Variants in EYS observed in about 807,000 individuals in gnomAD.
The protein encoded by EYS is protein eyes shut homolog.
Under a neutral mutation model 282.1 loss-of-function variants are expected in EYS, and 250 were observed. The ratio of observed to expected loss-of-function variants is 0.89; its 90% CI spans 0.80 to 0.98. The LOEUF (loss-of-function observed/expected upper bound fraction) is 0.98. EYS is among the 50% of genes least tolerant of loss of function. The pLI is 0.00. For missense variants in EYS, 4,016 were observed against 3,709.0 expected (o/e 1.08, Z -2.15); for synonymous variants, 1,355 against 1,282.9 (o/e 1.06, Z -1.20).
chr6:65,009,743 C>T (rs371550717), intron 13 of EYS, among the ~76,000 whole-genome samples: 3 of 152,168 alleles, frequency 2.0e-5, no homozygotes, highest in African/African-American at 7.2e-5. Flanking sequence ...TACATTTCCT[C>T]GCTACCTGTG....
chr6:65,559,562 TTAA>T (rs754050885), intron 2 of EYS, among the ~76,000 whole-genome samples: 15 of 152,094 alleles, frequency 9.9e-5, no homozygotes, highest in Non-Finnish European at 1.6e-4. Flanking sequence ...TCTTTGCGTC[TTAA>T]TAACCAAACC....
intron 19 of EYS, among the ~76,000 whole-genome samples, chr6:64,850,382 G>T (rs1765843844): frequency 6.6e-6 from 1 of 152,012 alleles, no homozygotes; most frequent in African/African-American, 2.4e-5. Context: ...TTCATGTAAG[G>T]CACTCAGTGC....
chr6:64,921,944 A>G (rs1049136931), intron 15 of EYS, among the ~76,000 whole-genome samples: 6 of 152,102 alleles, frequency 3.9e-5, no homozygotes, highest in African/African-American at 1.4e-4. Flanking sequence ...GAAACTGATG[A>G]AAAATTTTAA....
intron 24 of EYS, among the ~76,000 whole-genome samples, chr6:64,617,045 G>C (rs1767296362): frequency 6.6e-6 from 1 of 152,062 alleles, no homozygotes; most frequent in South Asian, 2.1e-4. Context: ...CCCAACCCTG[G>C]AAGTAGTACT....
intron 29 of EYS, among the ~76,000 whole-genome samples, chr6:64,334,626 A>G (rs1770774818): frequency 6.6e-6 from 1 of 152,156 alleles, no homozygotes; most frequent in Admixed American, 6.6e-5. Flanking sequence ...TCAGTGAAAC[A>G]GCCCGAGCCT....
rs778752557 is a variant in EYS, at chr6:64,591,465, C to A, written c.4402G>T (p.Asp1468Tyr). 6.4e-7 allele frequency: 1 copy of A among 1,551,300 alleles called. No individual in the cohort carries two copies. Among genetic ancestry groups the A allele is most frequent in the Non-Finnish European group, 8.7e-7 (1 of 1,146,768 alleles). ...TPVVSRGAQE[D>Y]IEEYSADSLI... is the part of the protein sequence containing the mutation. ...GAATCAGCTGAATATTCTTCAATATCCTCTTGAGCCCCCCTAGAGACAACT... is the reference window on the plus strand; with the variant it reads ...GAATCAGCTGAATATTCTTCAATATACTCTTGAGCCCCCCTAGAGACAACT... The change falls in exon 26 of 43, where the codon GAT becomes TAT. Residue 1468 changes from aspartate (D) to tyrosine (Y), a missense_variant. Coordinates refer to ENST00000503581, the MANE Select transcript of EYS (RefSeq NM_001142800.2).
At chr6:64,040,658 C>G (rs1403407001) in intron 33 of EYS, among the ~76,000 whole-genome samples, 5 of 152,178 alleles carry the variant, frequency 3.3e-5, no homozygotes, top group Non-Finnish European at 7.3e-5. Flanking sequence ...GAGTCAAATA[C>G]AGCACACTTA....
At chr6:64,189,351 G>A (rs1485014864) in intron 31 of EYS, among the ~76,000 whole-genome samples, 1 of 152,126 alleles carries the variant, frequency 6.6e-6, no homozygotes, top group African/African-American at 2.4e-5. Flanking sequence ...TATATTTTGG[G>A]ATGTTTGGGA....
chr6:64,723,339 A>C (rs1771649063), intron 22 of EYS, among the ~76,000 whole-genome samples: 1 of 152,174 alleles, frequency 6.6e-6, no homozygotes, highest in African/African-American at 2.4e-5. Context: ...AGAAATGAAG[A>C]ATGTCTCTAT....
intron 5 of EYS, among the ~76,000 whole-genome samples, chr6:65,441,962 G>A (rs1768344986): frequency 6.6e-6 from 1 of 151,978 alleles, no homozygotes; most frequent in Admixed American, 6.6e-5. Context: ...TTTCTTCATA[G>A]AGGCCTTCTG....
At chr6:64,975,371 C>T (rs987854934) in intron 14 of EYS, among the ~76,000 whole-genome samples, 2 of 151,816 alleles carry the variant, frequency 1.3e-5, no homozygotes, top group East Asian at 3.9e-4. Flanking sequence ...TCTCTCTGTG[C>T]TGTAACTTAA....
chr6:64,677,529 T>A (rs1213254607), intron 22 of EYS, among the ~76,000 whole-genome samples: 1 of 152,144 alleles, frequency 6.6e-6, no homozygotes, highest in Non-Finnish European at 1.5e-5. Context: ...TATCATGGTG[T>A]CTTAAAGGTA....
At chr6:64,085,246 G>A (rs1333606331) in intron 31 of EYS, among the ~76,000 whole-genome samples, 1 of 151,924 alleles carries the variant, frequency 6.6e-6, no homozygotes, top group African/African-American at 2.4e-5. Flanking sequence ...AAAGTGCTGG[G>A]ATTATAGGCG....
At chr6:65,347,972 C>T (rs1396795283) in intron 9 of EYS, among the ~76,000 whole-genome samples, 1 of 151,600 alleles carries the variant, frequency 6.6e-6, no homozygotes, top group Non-Finnish European at 1.5e-5. Flanking sequence ...TACATGAGAA[C>T]ATGTGAATTT....
Position 64,230,840 on chromosome 6 carries a change from A to C in EYS, c.6192-16T>G. On this transcript the variant is annotated splice_polypyrimidine_tract_variant and intron_variant, in intron 30 of 42. Transcript: ENST00000503581. ...TCCCTGGGATCTGTGATTTATAAACAGACAAGAAAACAAAATATAAGTAAA... is the reference window on the plus strand; with the variant it reads ...TCCCTGGGATCTGTGATTTATAAACCGACAAGAAAACAAAATATAAGTAAA... 6.9e-7 allele frequency: 1 copy of C among 1,459,710 alleles called. No homozygotes were observed. The highest frequency in any genetic ancestry group is 9.3e-7 in the Non-Finnish European group (1 of 1,072,720). The allele number at this position is 1,459,710 out of a possible 1,614,324, so 90.4% of individuals were successfully genotyped here.
At chr6:64,945,631 T>C (rs1469557757) in intron 15 of EYS, among the ~76,000 whole-genome samples, 162 bp downstream of exon 15, 1 of 152,140 alleles carries the variant, frequency 6.6e-6, no homozygotes, top group African/African-American at 2.4e-5. Context: ...TGTTTTCAAA[T>C]TTCAAATGAT....
chr6:64,469,285 C>T lies in EYS; in HGVS notation c.5645-29933G>A, dbSNP rs570335327. On this transcript the variant is annotated intron_variant, in intron 26 of 42. Transcript: ENST00000503581. ...AATAATAAAACTAGGATGTGGGCGGCAAGCCACCCAGGTGCCGAGGCAGGA... is the reference window on the plus strand; with the variant it reads ...AATAATAAAACTAGGATGTGGGCGGTAAGCCACCCAGGTGCCGAGGCAGGA... Among the ~76,000 whole-genome samples the T allele has an allele frequency of 2.6e-5, 4 of 152,090 alleles. No individual in the cohort carries two copies. In the South Asian group the frequency reaches 8.3e-4, roughly 31 times the overall value.
chr6:63,950,959 G>A (rs756600337), intron 35 of EYS, among the ~76,000 whole-genome samples: 3 of 152,058 alleles, frequency 2.0e-5, no homozygotes, highest in African/African-American at 7.2e-5. Flanking sequence ...TAATCACTGC[G>A]GGGATGCCTG....
Position 64,688,752 on chromosome 6 carries a change from G to A in EYS, c.3444-62507C>T, listed in dbSNP as rs557649989. Among the ~76,000 whole-genome samples, 10 of 152,252 alleles carry A rather than the reference G, an allele frequency of 6.6e-5. No homozygotes were observed. The South Asian group carries it at 2.1e-3, about 32-fold the overall frequency. On this transcript the variant is annotated intron_variant, in intron 22 of 42. Transcript: ENST00000503581. ...ATGTCTATTAGGTCCGCTTGGTGCA[G>A]AGCTGAGTTCAATTCCTGGATATCC...
Sources: allele counts gnomAD v4.1 joint callset (sites outside exome capture counted in the v4.1 genomes callset), GRCh38; gene constraint gnomAD v4.1.1; transcripts MANE v1.5; gene names NCBI Gene and HGNC (gene_info 2026-07-23, HGNC 2026-07-21).